RAB3GAP1: variants seen among roughly 807,000 people sequenced by gnomAD.
RAB3GAP1 encodes rab3 GTPase-activating protein catalytic subunit.
Under a neutral mutation model 130.7 loss-of-function variants are expected in RAB3GAP1, and 86 were observed. The ratio of observed to expected loss-of-function variants is 0.66; its 90% CI spans 0.55 to 0.79. RAB3GAP1 has a LOEUF of 0.79. Among genes scored for constraint, RAB3GAP1 ranks in the 30% least tolerant of loss-of-function variants. The pLI is 0.00. For missense variants in RAB3GAP1, 1,029 were observed against 1,169.4 expected (o/e 0.88, Z 1.75); for synonymous variants, 367 against 401.7 (o/e 0.91, Z 1.03).
In RAB3GAP1 at chr2:135,169,989, AT is replaced by A. The variant is rs1692802010; in HGVS notation, c.*1209del. 42 of 274,464 alleles carry A rather than the reference AT, an allele frequency of 1.5e-4. No individual in the cohort carries two copies. The highest frequency in any genetic ancestry group is 1.5e-3 in the South Asian group (41 of 27,156). 17.0% of individuals were successfully genotyped at this position (274,464 alleles called of 1,614,324 possible). On this transcript the variant is annotated 3_prime_UTR_variant, in exon 24 of 24. Transcript: ENST00000264158. ...GTTATTTTTGTAAAAAAAAAAAAAAATACATATCTATATATAATATGTGTGT... is the reference window on the plus strand; with the variant it reads ...GTTATTTTTGTAAAAAAAAAAAAAAAACATATCTATATATAATATGTGTGT...
At chr2:135,074,575 G>A (rs919183045) in intron 3 of RAB3GAP1, among the ~76,000 whole-genome samples, 2 of 152,192 alleles carry the variant, frequency 1.3e-5, no homozygotes, top group African/African-American at 4.8e-5. Context: ...CTTGGACACT[G>A]TCCACCAAGA....
intron 5 of RAB3GAP1, among the ~76,000 whole-genome samples, chr2:135,106,089 C>G (rs1024641187): frequency 6.6e-6 from 1 of 151,658 alleles, no homozygotes; most frequent in African/African-American, 2.4e-5. Flanking sequence ...CCGCCCCATC[C>G]GGGAGGTGGG....
intron 3 of RAB3GAP1, among the ~76,000 whole-genome samples, chr2:135,074,043 A>G (rs1007529520): frequency 6.6e-6 from 1 of 152,168 alleles, no homozygotes; most frequent in South Asian, 2.1e-4. Flanking sequence ...CTTACACTGG[A>G]TGAACACTAG....
At position 135,112,826 on chromosome 2, in the gene RAB3GAP1, TCTCTCTCTCA is replaced by T. The variant is rs1476922126; in HGVS notation, c.363-323_363-314del. Reference sequence around the variant, plus strand: ...TTACAACTGTCAAAGTCTCTCTCTCTCTCTCTCTCACACACACACACACACACACACACAC... The same window carrying T: ...TTACAACTGTCAAAGTCTCTCTCTCTCACACACACACACACACACACACAC... On this transcript the variant is annotated intron_variant, in intron 5 of 23. Transcript: ENST00000264158. Among the ~76,000 whole-genome samples the T allele has an allele frequency of 0.013, 1,719 of 129,980 alleles. 24 individuals carry two copies. Among genetic ancestry groups the T allele is most frequent in the African/African-American group, 0.055 (1,555 of 28,278 alleles). The allele number at this position is 129,980 out of a possible 152,430, so 85.3% of individuals were successfully genotyped here. A position where few individuals can be genotyped will look rare whatever the true frequency, so the allele number is the denominator to read the frequency against.
At chr2:135,135,989 C>T in intron 17 of RAB3GAP1, 57 bp downstream of exon 17, 2 of 1,586,776 alleles carry the variant, frequency 1.3e-6, no homozygotes, top group Middle Eastern at 1.7e-4. Flanking sequence ...ATAACTTCAT[C>T]CTAGTAGAAG....
intron 17 of RAB3GAP1, among the ~76,000 whole-genome samples, chr2:135,147,345 CAA>C (rs34677841): frequency 1.5e-4 from 13 of 83,970 alleles, no homozygotes; most frequent in Admixed American, 4.0e-4. Context: ...GACTCTGTCT[CAA>C]AAAAAAAAAA....
intron 19 of RAB3GAP1, among the ~76,000 whole-genome samples, chr2:135,156,242 GA>G: frequency 6.6e-6 from 1 of 152,158 alleles, no homozygotes. Context: ...GTTTCACAGG[GA>G]AATTCAACTA....
At chr2:135,062,477 A>T (rs1199597111) in intron 3 of RAB3GAP1, among the ~76,000 whole-genome samples, 1 of 152,232 alleles carries the variant, frequency 6.6e-6, no homozygotes, top group Admixed American at 6.5e-5. Context: ...GTTAATGTAA[A>T]TTCTCCATTT....
At chr2:135,106,335 C>A (rs895068287) in intron 5 of RAB3GAP1, among the ~76,000 whole-genome samples, 2 of 152,118 alleles carry the variant, frequency 1.3e-5, no homozygotes, top group African/African-American at 2.4e-5. Context: ...TGTGGGGAAA[C>A]GATAGAGAAA....
chr2:135,063,669 T>C (rs2104830176), intron 3 of RAB3GAP1, among the ~76,000 whole-genome samples: 1 of 152,350 alleles, frequency 6.6e-6, no homozygotes, highest in South Asian at 2.1e-4. Flanking sequence ...TCGTTTTTAA[T>C]GCTGAATATT....
chr2:135,127,845 T>A (rs1262797759), intron 11 of RAB3GAP1, among the ~76,000 whole-genome samples: 2 of 152,234 alleles, frequency 1.3e-5, no homozygotes, highest in Non-Finnish European at 2.9e-5. Flanking sequence ...TTGTGTCTTA[T>A]GTCTGGGATT....
chr2:135,135,972 G>A, intron 17 of RAB3GAP1, 40 bp downstream of exon 17: 2 of 1,603,958 alleles, frequency 1.2e-6, no homozygotes, highest in Non-Finnish European at 1.7e-6. Flanking sequence ...TTTATTTTGT[G>A]GTTTATATAA....
At chr2:135,143,604 C>T (rs548110696) in intron 17 of RAB3GAP1, among the ~76,000 whole-genome samples, 1 of 146,872 alleles carries the variant, frequency 6.8e-6, no homozygotes, top group South Asian at 2.1e-4. Context: ...GTCCCCCAGG[C>T]TGGAGTGCAG....
At position 135,135,627 on chromosome 2, in the gene RAB3GAP1, G is replaced by A; in HGVS notation, c.1618G>A (p.Asp540Asn). ...TGAGGGGAAAAAGACAAGTGCTTCA[G>A]ATGTCACTAATATATATCCAGGGGA... ...RDEGKKTSASDVTNIYPGDAG... is the reference protein window; with the variant it reads ...RDEGKKTSASNVTNIYPGDAG... The change falls in exon 17 of 24, where the codon GAT (aspartate) becomes AAT (asparagine). Residue 540 changes from aspartate (D) to asparagine (N), a missense_variant. Around this residue, in one of 3 missense-constraint regions of RAB3GAP1, gnomAD observed 373 missense variants for 493.6 expected, o/e 0.76. Coordinates refer to ENST00000264158, the MANE Select transcript of RAB3GAP1 (RefSeq NM_012233.3). 5 of 1,612,194 alleles carry A rather than the reference G, an allele frequency of 3.1e-6. No homozygotes were observed. Among genetic ancestry groups the A allele is most frequent in the Non-Finnish European group, 3.4e-6 (4 of 1,179,262 alleles).
chr2:135,106,454 A>AC (rs1558778306), intron 5 of RAB3GAP1, among the ~76,000 whole-genome samples: 1 of 152,094 alleles, frequency 6.6e-6, no homozygotes, highest in Non-Finnish European at 1.5e-5. Context: ...CTATAACCTT[A>AC]CCCCCAACCC....
chr2:135,155,038 C>T (rs1692270893), intron 19 of RAB3GAP1, among the ~76,000 whole-genome samples: 1 of 152,016 alleles, frequency 6.6e-6, no homozygotes, highest in African/African-American at 2.4e-5. Flanking sequence ...AAATATTTCC[C>T]AGAAAATCAG....
chr2:135,126,747 C>G, intron 11 of RAB3GAP1, 91 bp downstream of exon 11: 1 of 1,114,122 alleles, frequency 9.0e-7, no homozygotes, highest in East Asian at 2.4e-5. Context: ...TACTTTGTCA[C>G]CTCTTCAGTT....
intron 17 of RAB3GAP1, among the ~76,000 whole-genome samples, chr2:135,141,519 T>A (rs937882627): frequency 6.6e-6 from 1 of 152,104 alleles, no homozygotes; most frequent in Non-Finnish European, 1.5e-5. Context: ...CCACCGCGCC[T>A]GGCCTGTTCA....
intron 6 of RAB3GAP1, among the ~76,000 whole-genome samples, chr2:135,114,763 G>A (rs916454422): frequency 2.0e-5 from 3 of 152,178 alleles, no homozygotes; most frequent in East Asian, 1.9e-4. Context: ...GTGTTAACAC[G>A]TATTCTCTCT....
Sources: allele counts gnomAD v4.1 joint callset (sites outside exome capture counted in the v4.1 genomes callset), GRCh38; gene constraint gnomAD v4.1.1; regional missense constraint gnomAD v4.1.1; transcripts MANE v1.5; gene names NCBI Gene and HGNC (gene_info 2026-07-23, HGNC 2026-07-21).